MASP1: variants seen among roughly 807,000 people sequenced by gnomAD.
The protein encoded by MASP1 is mannan-binding lectin serine protease 1.
A neutral mutation model predicts 77.1 loss-of-function variants in MASP1; 59 were observed. The ratio of observed to expected loss-of-function variants is 0.77; its 90% CI spans 0.62 to 0.95. The LOEUF (loss-of-function observed/expected upper bound fraction) is 0.95. Among genes scored for constraint, MASP1 ranks in the 40% least tolerant of loss-of-function variants. The probability of loss-of-function intolerance (pLI) is 0.00; values close to 1 mark genes in which losing one functional copy is unlikely to be tolerated. For missense variants in MASP1, 885 were observed against 912.9 expected, an observed-to-expected ratio of 0.97 and a Z score of 0.39; for synonymous variants, 362 against 354.5, an observed-to-expected ratio of 1.02 and a Z score of -0.24.
chr3:187,236,623 T>C, intron 10 of MASP1, 56 bp from the exon 11 acceptor site: 1 of 1,612,604 alleles, frequency 6.2e-7, no homozygotes. Context: ...AGGTCAGCCA[T>C]GTGACAGGAG....
Position 187,236,320 on chromosome 3 carries a change from G to A in MASP1, c.1551C>T (p.Thr517=), listed in dbSNP as rs929587245. 8.1e-6 allele frequency: 13 copies of A among 1,614,248 alleles called. 1 individual carries two copies. The highest frequency in any genetic ancestry group is 5.3e-5 in the African/African-American group (4 of 75,066). ...GCACATCATGCAAGCCCAGGTAGAC[G>A]GTGACATGCTCCTTGGAGACTGGTA... is the stretch of plus-strand genomic sequence containing the variant. The part of the protein sequence containing the change: ...TVIPVSKEHV[T]VYLGLHDVRD... The change falls in exon 11 of 11, where the codon ACC becomes ACT. Residue 517 remains threonine (T), a synonymous_variant. Coordinates refer to ENST00000296280, the MANE Select transcript of MASP1 (RefSeq NM_139125.4).
In MASP1 at chr3:187,235,891, G is replaced by C; in HGVS notation, c.1980C>G (p.Cys660Trp). The stretch of plus-strand genomic sequence containing the variant: ...CAAAGGCCCCACCGCTATCTCCAAG[G>C]CACGTGTCTTTGCCGCCCTCGTAGT... ...AGYYEGGKDT[C>W]LGDSGGAFVI... The change falls in exon 11 of 11, where the codon TGC becomes TGG. Residue 660 changes from cysteine (C) to tryptophan (W), a missense_variant. Cys to Trp is a radical substitution (Grantham distance 215). Coordinates refer to ENST00000296280, the MANE Select transcript of MASP1 (RefSeq NM_139125.4). 6.2e-7 allele frequency: 1 copy of C among 1,614,216 alleles called. No homozygotes were observed. Among genetic ancestry groups the C allele is most frequent in the Non-Finnish European group, 8.5e-7 (1 of 1,180,042 alleles).
At chr3:187,259,267 ATC>A (rs1161807544) in intron 4 of MASP1, among the ~76,000 whole-genome samples, 1 of 152,158 alleles carries the variant, frequency 6.6e-6, no homozygotes, top group Non-Finnish European at 1.5e-5. Context: ...GGTCTTGACT[ATC>A]TTAAAGTTTC....
At chr3:187,247,958 G>A (rs1714240222) in intron 8 of MASP1, among the ~76,000 whole-genome samples, 1 of 152,136 alleles carries the variant, frequency 6.6e-6, no homozygotes, top group Non-Finnish European at 1.5e-5. Flanking sequence ...TTTTTAATCA[G>A]CGAATTTTAA....
downstream of MASP1, among the ~76,000 whole-genome samples, chr3:187,231,027 C>T (rs1712736241): frequency 6.6e-6 from 1 of 152,206 alleles, no homozygotes; most frequent in Non-Finnish European, 1.5e-5. Flanking sequence ...TCAGCATCTC[C>T]CAGCATCATT....
chr3:187,223,231 A>G, intron 13 of MASP1: 2 of 1,549,148 alleles, frequency 1.3e-6, no homozygotes, highest in Non-Finnish European at 1.8e-6. Context: ...CAGAGAAGCT[A>G]TCTGTGGGGT....
chr3:187,275,729 A>C (rs560011680), intron 2 of MASP1, among the ~76,000 whole-genome samples: 26 of 152,212 alleles, frequency 1.7e-4, no homozygotes, highest in African/African-American at 6.3e-4. Context: ...TGTCTGTGCT[A>C]TCTGAATGTC....
chr3:187,279,667 TCA>T (rs781529111), intron 2 of MASP1, among the ~76,000 whole-genome samples: 5 of 152,338 alleles, frequency 3.3e-5, no homozygotes, highest in Middle Eastern at 6.8e-3. Flanking sequence ...CTGATTATTC[TCA>T]GTTTTGCATC....
In MASP1 at chr3:187,236,490, A is replaced by T; in HGVS notation, c.1381T>A (p.Phe461Ile). ...ACCACTATCAGGGCCTGCCACGGGA[A>T]GAGGCCAGGCTCAGCATTTCGGCCC... Reference protein sequence around the residue: ...IGGRNAEPGLFPWQALIVVED... With the variant: ...IGGRNAEPGLIPWQALIVVED... The change falls in exon 11 of 11, where the codon TTC (phenylalanine) becomes ATC (isoleucine). Residue 461 changes from phenylalanine (F) to isoleucine (I), a missense_variant. By Grantham distance (21) the Phe-to-Ile change is conservative. Coordinates refer to ENST00000296280, the MANE Select transcript of MASP1 (RefSeq NM_139125.4). 1 of 1,614,052 alleles carries T rather than the reference A, an allele frequency of 6.2e-7. No homozygotes were observed. Among genetic ancestry groups the T allele is most frequent in the Middle Eastern group, 1.6e-4 (1 of 6,062 alleles).
rs1484421655 is a variant in MASP1 at position 187,234,613 on chromosome 3, T to C, written c.*1071A>G. 7.8e-7 allele frequency: 1 copy of C among 1,287,246 alleles called. No individual in the cohort carries two copies. The highest frequency in any genetic ancestry group is 1.2e-5 in the South Asian group (1 of 80,942). 79.7% of individuals were successfully genotyped at this position (1,287,246 alleles called of 1,614,324 possible). A position where few individuals can be genotyped will look rare whatever the true frequency, so the allele number is the denominator to read the frequency against. The stretch of plus-strand genomic sequence containing the variant: ...TCTGAAAAATGAAGGAGTGGGTCCC[T>C]CTGAACATCCTGCGGGGTGGATTCT... On this transcript the variant is annotated 3_prime_UTR_variant, in exon 11 of 11. Coordinates refer to ENST00000296280, the MANE Select transcript of MASP1 (RefSeq NM_139125.4).
intron 2 of MASP1, among the ~76,000 whole-genome samples, chr3:187,269,740 A>G (rs187977726): frequency 6.6e-6 from 1 of 152,278 alleles, no homozygotes; most frequent in East Asian, 1.9e-4. Context: ...TCCATTTTTC[A>G]ATGGAAATTC....
chr3:187,256,564 C>G (rs999043303), intron 5 of MASP1, 100 bp downstream of exon 5: 1 of 1,111,574 alleles, frequency 9.0e-7, no homozygotes, highest in Admixed American at 1.9e-5. Context: ...GCTAGGCTCT[C>G]TATCCTGGGA....
At chr3:187,256,072 C>T (rs987129827) in intron 5 of MASP1, among the ~76,000 whole-genome samples, 1 of 152,098 alleles carries the variant, frequency 6.6e-6, no homozygotes, top group Non-Finnish European at 1.5e-5. Context: ...GGCTGCCATT[C>T]CTTCTTAATT....
At chr3:187,249,904 C>T (rs993461230) in intron 8 of MASP1, among the ~76,000 whole-genome samples, 7 of 152,206 alleles carry the variant, frequency 4.6e-5, no homozygotes, top group Non-Finnish European at 7.3e-5. Context: ...CAGCTCTGGG[C>T]ACCAGCACCA....
intron 6 of MASP1, 28 bp from the exon 7 acceptor site, chr3:187,251,780 A>G: frequency 1.3e-6 from 2 of 1,560,916 alleles, no homozygotes; most frequent in Non-Finnish European, 8.8e-7. Flanking sequence ...AAAGAACAGC[A>G]GGTGAGAAAA....
At chr3:187,244,806 G>A (rs1420685861) in intron 8 of MASP1, 1 of 152,170 alleles carries the variant, frequency 6.6e-6, no homozygotes, top group Non-Finnish European at 1.5e-5. Flanking sequence ...CAGAGCCCTG[G>A]TAAAATTTCC....
chr3:187,230,600 C>A (rs887938438), downstream of MASP1, among the ~76,000 whole-genome samples: 4 of 152,184 alleles, frequency 2.6e-5, no homozygotes, highest in African/African-American at 4.8e-5. Context: ...TTCCTCAGGG[C>A]CTTGTGGAGT....
downstream of MASP1, among the ~76,000 whole-genome samples, chr3:187,232,653 G>A (rs1712841296): frequency 6.6e-6 from 1 of 152,168 alleles, no homozygotes; most frequent in Admixed American, 6.5e-5. Context: ...GGAGAGTGAT[G>A]TGTCTCCCCG....
intron 8 of MASP1, among the ~76,000 whole-genome samples, chr3:187,249,331 T>C (rs1041869368): frequency 1.3e-5 from 2 of 152,218 alleles, no homozygotes; most frequent in African/African-American, 2.4e-5. Flanking sequence ...GTGCTGGCAT[T>C]ACCAGCGTGA....
Sources: allele counts gnomAD v4.1 joint callset (sites outside exome capture counted in the v4.1 genomes callset), GRCh38; gene constraint gnomAD v4.1.1; transcripts MANE v1.5; gene names NCBI Gene and HGNC (gene_info 2026-07-23, HGNC 2026-07-21).